APBB2: variants seen among roughly 807,000 people sequenced by gnomAD.
The protein encoded by APBB2 is amyloid beta precursor protein binding family B member 2, also known as Fe65-like 1.
Under a neutral mutation model 82.5 loss-of-function variants are expected in APBB2, and 38 were observed. That is an observed-to-expected ratio of 0.46 (90% confidence interval 0.36 to 0.60). APBB2 has a LOEUF of 0.60. APBB2 is among the 20% of genes least tolerant of loss of function. The pLI is 0.00. For synonymous variants in APBB2, 341 were observed against 368.2 expected (o/e 0.93, Z 0.85); for missense variants, 772 against 972.3 (o/e 0.79, Z 2.74).
chr4:40,893,526 CTTCATTATGT>C, intron 10 of APBB2, 115 bp from the exon 11 acceptor site: 1 of 919,262 alleles, frequency 1.1e-6, no homozygotes, highest in Non-Finnish European at 1.6e-6. Context: ...CCTTTATTTG[CTTCATTATGT>C]TCAATCATCT....
rs1717700323 is a variant in APBB2 at position 41,033,125 on chromosome 4, A to T, written c.19+111T>A. 6 of 821,048 alleles carry T rather than the reference A, an allele frequency of 7.3e-6. No individual in the cohort carries two copies. In the Admixed American group the frequency reaches 1.3e-4, roughly 17 times the overall value. 50.9% of individuals were successfully genotyped at this position (821,048 alleles called of 1,614,324 possible). ...TACATTAGTGAAGAACAATGAAATTAAAAAACATGTTATTTTAGCAAATCA... is the reference window on the plus strand; with the variant it reads ...TACATTAGTGAAGAACAATGAAATTTAAAAACATGTTATTTTAGCAAATCA... On this transcript the variant is annotated intron_variant, in intron 5 of 17. Coordinates refer to ENST00000508593, the MANE Select transcript of APBB2 (RefSeq NM_004307.2).
At chr4:41,199,167 C>A (rs879487014) in intron 1 of APBB2, among the ~76,000 whole-genome samples, 1 of 148,332 alleles carries the variant, frequency 6.7e-6, no homozygotes, top group Non-Finnish European at 1.5e-5. Flanking sequence ...GGGGGGGACA[C>A]AATTTAACCC....
At chr4:40,889,999 A>C (rs1017037104) in intron 12 of APBB2, among the ~76,000 whole-genome samples, 1 of 152,194 alleles carries the variant, frequency 6.6e-6, no homozygotes, top group Non-Finnish European at 1.5e-5. Flanking sequence ...GAAATGGCTG[A>C]GACTTCACTG....
intron 7 of APBB2, among the ~76,000 whole-genome samples, chr4:40,940,420 C>A (rs1165680180): frequency 6.6e-6 from 1 of 152,198 alleles, no homozygotes; most frequent in African/African-American, 2.4e-5. Context: ...TTCCTCGGCT[C>A]ACTGGCTGAG....
At chr4:41,157,490 G>A (rs185106066) in intron 1 of APBB2, among the ~76,000 whole-genome samples, 62 of 152,284 alleles carry the variant, frequency 4.1e-4, no homozygotes, top group Non-Finnish European at 5.9e-4. Context: ...ACGCTCTACC[G>A]ATAGGTGGGA....
chr4:40,880,208 C>T (rs1413083553), intron 12 of APBB2: 1 of 985,254 alleles, frequency 1.0e-6, no homozygotes, highest in Admixed American at 6.2e-5. Context: ...GATTCCTACT[C>T]CAGTGTTCCT....
At chr4:40,881,526 T>TTA in intron 12 of APBB2, 11 of 215,166 alleles carry the variant, frequency 5.1e-5, no homozygotes, top group Non-Finnish European at 6.6e-5. Context: ...ATCTTTTCTT[T>TTA]TCTTTTTCTT....
chr4:41,064,902 C>T (rs568634658), intron 4 of APBB2, among the ~76,000 whole-genome samples: 4 of 152,222 alleles, frequency 2.6e-5, no homozygotes, highest in Middle Eastern at 3.4e-3. Flanking sequence ...CACTGTGAAA[C>T]GTTTTTAATT....
intron 5 of APBB2, among the ~76,000 whole-genome samples, chr4:41,026,599 G>C (rs1224256334): frequency 6.6e-6 from 1 of 152,132 alleles, no homozygotes; most frequent in South Asian, 2.1e-4. Flanking sequence ...GAGATCTTTT[G>C]TGACTGGCTT....
intron 12 of APBB2, among the ~76,000 whole-genome samples, chr4:40,862,183 A>G (rs117709403): frequency 1.3e-5 from 2 of 152,360 alleles, no homozygotes; most frequent in East Asian, 3.8e-4. Flanking sequence ...GTTTGATTAC[A>G]TGAGTATAAA....
At chr4:40,907,379 A>ATTTTTTTTTT (rs55814804) in intron 10 of APBB2, among the ~76,000 whole-genome samples, 2 of 37,394 alleles carry the variant, frequency 5.3e-5, no homozygotes, top group African/African-American at 1.2e-4. Context: ...ATATATATAT[A>ATTTTTTTTTT]TTTTTTTTTT....
intron 1 of APBB2, among the ~76,000 whole-genome samples, chr4:41,183,053 G>A (rs1771869242): frequency 1.3e-5 from 2 of 152,112 alleles, no homozygotes; most frequent in African/African-American, 4.8e-5. Flanking sequence ...TCAGTAAATG[G>A]CAATTCCATT....
At chr4:40,983,467 C>G (rs1355521910) in intron 6 of APBB2, among the ~76,000 whole-genome samples, 1 of 152,156 alleles carries the variant, frequency 6.6e-6, no homozygotes, top group Admixed American at 6.5e-5. Context: ...CCCTATCATT[C>G]TAGGAGGTAG....
chr4:41,166,195 G>A (rs953395493), intron 1 of APBB2, among the ~76,000 whole-genome samples: 3 of 151,956 alleles, frequency 2.0e-5, no homozygotes, highest in African/African-American at 4.8e-5. Flanking sequence ...GCTCCAAAAG[G>A]GAAGCAAGAA....
At position 41,165,103 on chromosome 4, in the gene APBB2, T is replaced by C. The variant is rs1177178375; in HGVS notation, c.-416-21961A>G. ...CCTCACAAAAACAGCGATTATTTTA[T>C]ATTTTATTTGACCATTTGAGATGTC... is the stretch of plus-strand genomic sequence containing the variant. On this transcript the variant is annotated intron_variant, in intron 1 of 17. Coordinates refer to ENST00000508593, the MANE Select transcript of APBB2 (RefSeq NM_004307.2). 3.9e-5 allele frequency among the ~76,000 whole-genome samples: 6 copies of C among 152,216 alleles called. 1 individual carries two copies. The highest frequency in any genetic ancestry group is 4.1e-4 in the South Asian group (2 of 4,834).
At chr4:40,945,590 T>C (rs1788147939) in intron 6 of APBB2, among the ~76,000 whole-genome samples, 2 of 152,154 alleles carry the variant, frequency 1.3e-5, no homozygotes, top group Admixed American at 6.5e-5. Flanking sequence ...AAAATAGCAA[T>C]AGTAGTAGTC....
At chr4:40,923,143 T>C (rs1454063141) in intron 10 of APBB2, among the ~76,000 whole-genome samples, 1 of 151,774 alleles carries the variant, frequency 6.6e-6, no homozygotes, top group African/African-American at 2.4e-5. Context: ...GCCCGGCTAA[T>C]TTTTTGTATT....
chr4:40,964,753 A>AACACACACACACACACACACACACAC (rs61087697), intron 6 of APBB2, among the ~76,000 whole-genome samples: 6,805 of 139,554 alleles, frequency 0.049, 228 homozygotes, highest in African/African-American at 0.068. Context: ...CCATTGAATA[A>AACACACACACACACACACACACACAC]ACACACACAC....
At chr4:40,974,288 A>C (rs552976834) in intron 6 of APBB2, among the ~76,000 whole-genome samples, 1 of 152,186 alleles carries the variant, frequency 6.6e-6, no homozygotes, top group South Asian at 2.1e-4. Flanking sequence ...TAGCTCTTCA[A>C]TGTATCTTTC....
Sources: gnomAD v4.1 joint callset for allele counts (sites outside exome capture counted in the v4.1 genomes callset) on GRCh38, gnomAD v4.1.1 for gene constraint, MANE v1.5 for transcripts, NCBI Gene and HGNC (gene_info 2026-07-23, HGNC 2026-07-21) for gene names.